Variants in SGCD observed in about 807,000 individuals in gnomAD.
SGCD encodes delta-sarcoglycan.
A neutral mutation model predicts 36.6 loss-of-function variants in SGCD; 18 were observed. That is an observed-to-expected ratio of 0.49 (90% CI 0.34 to 0.73). The LOEUF is 0.73. Ranked by LOEUF, SGCD falls within the 30% of genes least tolerant of loss-of-function variation. SGCD has a pLI of 0.01. For missense variants in SGCD, 387 were observed against 346.7 expected, an observed-to-expected ratio of 1.12 and a Z score of -0.92; for synonymous variants, 133 against 130.6, an observed-to-expected ratio of 1.02 and a Z score of -0.12.
intron 2 of SGCD, among the ~76,000 whole-genome samples, chr5:156,342,990 A>G (rs1214298523): frequency 6.6e-6 from 1 of 152,248 alleles, no homozygotes; most frequent in Non-Finnish European, 1.5e-5. Context: ...GGAGCATTTC[A>G]GTTAGCCATA....
chr5:156,008,000 C>T (rs555379190), intron 1 of SGCD, among the ~76,000 whole-genome samples: 4 of 152,248 alleles, frequency 2.6e-5, no homozygotes, highest in Middle Eastern at 3.4e-3. Context: ...TTATCTCCAA[C>T]GATGTTATTC....
At chr5:156,727,114 T>C (rs1381604471) in intron 7 of SGCD, among the ~76,000 whole-genome samples, 1 of 152,134 alleles carries the variant, frequency 6.6e-6, no homozygotes, top group Non-Finnish European at 1.5e-5. Context: ...GGAGAGAAAT[T>C]GGGCTCAACT....
At chr5:155,833,958 G>A in the SGCD span, among the ~76,000 whole-genome samples, 3 of 152,220 alleles carry the variant, frequency 2.0e-5, no homozygotes, top group African/African-American at 7.2e-5. Context: ...ACACTGAGTT[G>A]TGGAAGGACA....
intron 1 of SGCD, among the ~76,000 whole-genome samples, chr5:156,090,607 T>G (rs371422214): frequency 2.6e-5 from 4 of 152,178 alleles, no homozygotes; most frequent in African/African-American, 7.2e-5. Context: ...GATAAACATC[T>G]TAACAGGAAA....
intron 7 of SGCD, among the ~76,000 whole-genome samples, chr5:156,647,917 T>G (rs929687636): frequency 2.0e-5 from 3 of 152,180 alleles, no homozygotes; most frequent in African/African-American, 7.2e-5. Context: ...TGTCTTATTA[T>G]GCAACAAGCT....
chr5:156,202,036 G>A (rs4704993), intron 3 of SGCD, among the ~76,000 whole-genome samples: 46,936 of 151,970 alleles, frequency 0.31, 7,726 homozygotes, highest in East Asian at 0.6. Context: ...GTTGAATTGC[G>A]AATGAGTATT....
At chr5:156,198,648 T>A (rs1764076612) in intron 3 of SGCD, among the ~76,000 whole-genome samples, 1 of 152,144 alleles carries the variant, frequency 6.6e-6, no homozygotes, top group African/African-American at 2.4e-5. Context: ...AGAATAGTTT[T>A]TCCCTTAGTT....
At chr5:156,435,801 G>A (rs1753215351) in intron 3 of SGCD, among the ~76,000 whole-genome samples, 1 of 152,202 alleles carries the variant, frequency 6.6e-6, no homozygotes, top group Non-Finnish European at 1.5e-5. Context: ...AAGAGAGGTT[G>A]TGGTGATACA....
At chr5:155,768,421 A>G in the SGCD span, among the ~76,000 whole-genome samples, 1 of 152,156 alleles carries the variant, frequency 6.6e-6, no homozygotes, top group Non-Finnish European at 1.5e-5. Context: ...CTGAGATACA[A>G]TAAAGGAAAA....
At chr5:155,801,443 T>C in the SGCD span, among the ~76,000 whole-genome samples, 3 of 152,104 alleles carry the variant, frequency 2.0e-5, no homozygotes, top group Non-Finnish European at 4.4e-5. Flanking sequence ...CTTTGCTGGG[T>C]TTTATAGATC....
chr5:156,532,244 T>C (rs1343969897), intron 4 of SGCD, among the ~76,000 whole-genome samples: 1 of 152,236 alleles, frequency 6.6e-6, no homozygotes, highest in Non-Finnish European at 1.5e-5. Context: ...GTTTTGCTGT[T>C]CTAATATTGA....
chr5:156,643,943 G>C (rs1763135860), intron 6 of SGCD, among the ~76,000 whole-genome samples: 1 of 152,004 alleles, frequency 6.6e-6, no homozygotes, highest in Non-Finnish European at 1.5e-5. Context: ...TTGCCCCAAG[G>C]TTTAAACCCA....
At chr5:155,963,215 T>C (rs183255319) in intron 1 of SGCD, among the ~76,000 whole-genome samples, 16 of 152,160 alleles carry the variant, frequency 1.1e-4, no homozygotes, top group African/African-American at 3.9e-4. Context: ...AAATGTTCAA[T>C]AAAAAGCTTT....
rs539739276 is a variant in SGCD, at chr5:156,015,396, G to A, written c.-281-102482G>A. On this transcript the variant is annotated intron_variant, in intron 1 of 9. Coordinates refer to the SGCD transcript ENST00000517913. ...TTTATACATCTTCATTATCTTTTGA[G>A]CATTTATTCCCTTGCTTTCTGGCAC... 1.7e-4 allele frequency among the ~76,000 whole-genome samples: 26 copies of A among 152,030 alleles called. No homozygotes were observed. In the South Asian group the frequency reaches 5.4e-3, roughly 32 times the overall value.
At chr5:155,915,993 GGAGAAAAAT>G (rs1756726688) in intron 1 of SGCD, among the ~76,000 whole-genome samples, 1 of 152,098 alleles carries the variant, frequency 6.6e-6, no homozygotes, top group Non-Finnish European at 1.5e-5. Context: ...TAGATATGTA[GGAGAAAAAT>G]ACTTTACAGA....
chr5:156,284,512 T>C (rs907255533), intron 3 of SGCD, among the ~76,000 whole-genome samples: 5 of 152,038 alleles, frequency 3.3e-5, no homozygotes, highest in Non-Finnish European at 7.4e-5. Flanking sequence ...GCAAGGCTGG[T>C]TCAACATACG....
intron 3 of SGCD, among the ~76,000 whole-genome samples, chr5:156,345,468 CT>C (rs1399450129): frequency 6.6e-6 from 1 of 152,142 alleles, no homozygotes; most frequent in African/African-American, 2.4e-5. Flanking sequence ...CAGCAGTCTG[CT>C]GTATTGAGCA....
chr5:156,067,961 TC>T (rs1292949214), intron 1 of SGCD, among the ~76,000 whole-genome samples: 5 of 125,664 alleles, frequency 4.0e-5, no homozygotes, highest in Non-Finnish European at 7.5e-5. Flanking sequence ...TCTTGGCTCC[TC>T]CCCCCCACTT....
intron 3 of SGCD, among the ~76,000 whole-genome samples, chr5:156,483,363 G>T (rs1463773569): frequency 6.6e-6 from 1 of 152,162 alleles, no homozygotes; most frequent in Non-Finnish European, 1.5e-5. Flanking sequence ...AGAAGGCAAA[G>T]AATCTCAGAT....
Sources: gnomAD v4.1 joint callset for allele counts (sites outside exome capture counted in the v4.1 genomes callset) on GRCh38, gnomAD v4.1.1 for gene constraint, MANE v1.5 for transcripts, NCBI Gene and HGNC (gene_info 2026-07-23, HGNC 2026-07-21) for gene names.